TET1: variants seen among roughly 807,000 people sequenced by gnomAD.
TET1 encodes the protein methylcytosine dioxygenase TET1.
A neutral mutation model predicts 148.7 loss-of-function variants in TET1; 13 were observed. That is an observed-to-expected ratio of 0.09 (90% CI 0.06 to 0.14). The LOEUF (loss-of-function observed/expected upper bound fraction) is 0.14. Among genes scored for constraint, TET1 ranks in the 10% least tolerant of loss-of-function variants. The pLI, the probability that TET1 is intolerant of heterozygous loss-of-function variation, is 1.00. For missense variants in TET1, 2,182 were observed against 2,553.8 expected, an observed-to-expected ratio of 0.85 and a Z score of 3.14; for synonymous variants, 907 against 937.2, an observed-to-expected ratio of 0.97 and a Z score of 0.59.
Position 68,595,919 on chromosome 10 carries a change from CATATATATATATATATAT to C in TET1, c.1915-5036_1915-5019del, listed in dbSNP as rs374124558. ...TGTGAGCCACTGCGCCCAGCCAAAA[CATATATATATATATATAT>C]ATATATATATATATATATATATATA... On this transcript the variant is annotated intron_variant, in intron 2 of 11. Transcript: ENST00000373644. 1.4e-3 allele frequency among the ~76,000 whole-genome samples: 47 copies of C among 34,514 alleles called. 1 individual carries two copies. The highest frequency in any genetic ancestry group is 0.016 in the Middle Eastern group (1 of 62). The allele number at this position is 34,514 out of a possible 152,430, so 22.6% of individuals were successfully genotyped here.
At chr10:68,588,794 T>A (rs760578283) in intron 2 of TET1, among the ~76,000 whole-genome samples, 5 of 151,302 alleles carry the variant, frequency 3.3e-5, no homozygotes, top group Non-Finnish European at 7.4e-5. Context: ...TTAATTTTAC[T>A]TAAAATATTT....
At chr10:68,563,104 A>C (rs1220142308) in intron 1 of TET1, among the ~76,000 whole-genome samples, 1 of 151,608 alleles carries the variant, frequency 6.6e-6, no homozygotes, top group Non-Finnish European at 1.5e-5. Context: ...GGACAGTTCT[A>C]TGTCCATTCT....
Position 68,572,640 on chromosome 10 carries a change from G to A in TET1, c.302G>A (p.Gly101Glu), listed in dbSNP as rs2133685466. Residue 101 changes from glycine (G) to glutamate (E), a missense_variant, in exon 2 of 12, where the codon GGG becomes GAG. By Grantham distance (98) the Gly-to-Glu change is moderately conservative. Transcript: ENST00000373644. ...AACCCAGAGTCCTTAACCTGCAATGGGTTTACAATGGCGCTACGAAGCACC... is the reference window on the plus strand; with the variant it reads ...AACCCAGAGTCCTTAACCTGCAATGAGTTTACAATGGCGCTACGAAGCACC... ...FQNPESLTCN[G>E]FTMALRSTSL... is the part of the protein sequence containing the mutation. The A allele has an allele frequency of 1.2e-6, 2 of 1,614,102 alleles. No individual in the cohort carries two copies.
At chr10:68,607,803 C>A (rs1004660363) in intron 3 of TET1, among the ~76,000 whole-genome samples, 3 of 147,626 alleles carry the variant, frequency 2.0e-5, no homozygotes, top group South Asian at 2.1e-4. Context: ...TATATTCTCT[C>A]TATATATAGA....
In TET1 at chr10:68,690,856, C is replaced by A. The variant is rs772501728; in HGVS notation, c.5453C>A (p.Pro1818His). ...CCTGAAGTAAAAAGTGAAACCGAAC[C>A]CCATTTTATCTTAAAAAGTTCAGAC... ...VQPEVKSETE[P>H]HFILKSSDNT... Residue 1818 changes from proline to histidine, a missense_variant, in exon 12 of 12, where the codon CCC becomes CAC. Pro to His is a moderately conservative substitution (Grantham distance 77). Around this residue, in one of 11 missense-constraint regions of TET1, gnomAD observed 380 missense variants for 387.9 expected, o/e 0.98. Transcript: ENST00000373644. The A allele has an allele frequency of 1.9e-6, 3 of 1,613,144 alleles. No homozygotes were observed. The highest frequency in any genetic ancestry group is 4.5e-5 in the East Asian group (2 of 44,890).
At chr10:68,684,941 T>G (rs1026196122) in intron 10 of TET1, among the ~76,000 whole-genome samples, 4 of 152,136 alleles carry the variant, frequency 2.6e-5, no homozygotes, top group African/African-American at 4.8e-5. Context: ...ATGAACAGAT[T>G]ACCACCATGA....
chr10:68,657,321 C>T (rs938904937), intron 6 of TET1, among the ~76,000 whole-genome samples: 5 of 152,090 alleles, frequency 3.3e-5, no homozygotes, highest in East Asian at 1.9e-4. Context: ...GGACTACAGG[C>T]GCCTGCCACC....
intron 3 of TET1, among the ~76,000 whole-genome samples, chr10:68,618,803 G>T (rs2054330427): frequency 1.3e-5 from 2 of 152,112 alleles, no homozygotes; most frequent in Non-Finnish European, 2.9e-5. Flanking sequence ...TAATCAGTAT[G>T]ATTTAAAAGG....
chr10:68,596,506 C>T (rs2053991035), intron 2 of TET1, among the ~76,000 whole-genome samples: 5 of 152,000 alleles, frequency 3.3e-5, no homozygotes. Flanking sequence ...TTAGGCTAGC[C>T]TTGAAATCCT....
rs2055618396 is a variant in TET1 at position 68,693,486 on chromosome 10, A to G, written c.*1672A>G. 1 of 233,404 alleles carries G rather than the reference A, an allele frequency of 4.3e-6. No homozygotes were observed. The highest frequency in any genetic ancestry group is 8.5e-6 in the Non-Finnish European group (1 of 117,906). 14.5% of individuals were successfully genotyped at this position (233,404 alleles called of 1,614,324 possible). ...AACTTATTAAAATAATATCTGGTGC[A>G]AAGTATCTGTTTTGAGCTTTTGACT... On this transcript the variant is annotated 3_prime_UTR_variant, in exon 12 of 12. Coordinates refer to ENST00000373644, the MANE Select transcript of TET1 (RefSeq NM_030625.3).
intron 4 of TET1, among the ~76,000 whole-genome samples, chr10:68,650,550 G>T (rs931394882): frequency 2.0e-5 from 3 of 152,052 alleles, no homozygotes; most frequent in Non-Finnish European, 4.4e-5. Context: ...AGAATCGCTT[G>T]AACCCAGGAG....
intron 6 of TET1, among the ~76,000 whole-genome samples, chr10:68,654,141 G>A (rs2054984717): frequency 6.7e-6 from 1 of 149,762 alleles, no homozygotes; most frequent in Non-Finnish European, 1.5e-5. Context: ...GATTGTCAGG[G>A]AATGCCTTTC....
intron 3 of TET1, among the ~76,000 whole-genome samples, chr10:68,639,647 G>T (rs73278564): frequency 6.2e-4 from 94 of 152,108 alleles, no homozygotes; most frequent in African/African-American, 2.1e-3. Context: ...TTTTAGTAGA[G>T]ACCGAGTTTC....
chr10:68,632,586 A>G (rs1027590194), intron 3 of TET1: 1 of 1,597,354 alleles, frequency 6.3e-7, no homozygotes, highest in East Asian at 2.2e-5. Flanking sequence ...TGACTTTGGG[A>G]TGCTGGTTTC....
chr10:68,643,589 G>A (rs562412820), intron 3 of TET1, among the ~76,000 whole-genome samples: 24 of 152,188 alleles, frequency 1.6e-4, no homozygotes, highest in African/African-American at 5.3e-4. Context: ...GGGAGGCTGA[G>A]GCGGGCAGAT....
intron 1 of TET1, among the ~76,000 whole-genome samples, chr10:68,562,196 G>A (rs1213152574): frequency 6.6e-6 from 1 of 152,112 alleles, no homozygotes; most frequent in African/African-American, 2.4e-5. Flanking sequence ...ACCTGAGTGT[G>A]CTCGGCGTCC....
chr10:68,608,361 G>A (rs560867947), intron 3 of TET1, among the ~76,000 whole-genome samples: 9 of 152,020 alleles, frequency 5.9e-5, no homozygotes, highest in African/African-American at 1.9e-4. Context: ...TCAACCTCCC[G>A]AGTAACTGGG....
Position 68,690,802 on chromosome 10 carries a change from G to C in TET1, c.5405-6G>C, listed in dbSNP as rs764213448. The C allele has an allele frequency of 6.4e-7, 1 of 1,573,758 alleles. No homozygotes were observed. Among genetic ancestry groups the C allele is most frequent in the Non-Finnish European group, 8.6e-7 (1 of 1,157,370 alleles). On this transcript the variant is annotated splice_region_variant and splice_polypyrimidine_tract_variant and intron_variant, in intron 11 of 11. Coordinates refer to ENST00000373644, the MANE Select transcript of TET1 (RefSeq NM_030625.3). ...ATTTTTCTTCACATTTGGTGTCCTTGTTTAGGGAGTAACACTGAGACCGTG... is the reference window on the plus strand; with the variant it reads ...ATTTTTCTTCACATTTGGTGTCCTTCTTTAGGGAGTAACACTGAGACCGTG...
chr10:68,633,385 T>C (rs1564980838), intron 3 of TET1, among the ~76,000 whole-genome samples: 2 of 151,854 alleles, frequency 1.3e-5, no homozygotes, highest in South Asian at 4.1e-4. Context: ...TTTTATTGTC[T>C]TGTTTTGTTT....
Sources: allele counts gnomAD v4.1 joint callset (sites outside exome capture counted in the v4.1 genomes callset), GRCh38; gene constraint gnomAD v4.1.1; regional missense constraint gnomAD v4.1.1; transcripts MANE v1.5; gene names NCBI Gene and HGNC (gene_info 2026-07-23, HGNC 2026-07-21).